Variants in ROS1 observed in about 807,000 individuals in gnomAD.
ROS1 encodes ROS proto-oncogene 1, receptor tyrosine kinase.
In ROS1, 263 loss-of-function variants were observed where a neutral mutation model predicts 273.5. The observed-to-expected ratio is 0.96, with a 90% CI of 0.87 to 1.06. The LOEUF (loss-of-function observed/expected upper bound fraction) is 1.06. ROS1 is among the 50% of genes least tolerant of loss of function. The pLI is 0.00. For synonymous variants in ROS1, 1,008 were observed against 954.1 expected, an observed-to-expected ratio of 1.06 and a Z score of -1.04; for missense variants, 2,833 against 2,751.1, an observed-to-expected ratio of 1.03 and a Z score of -0.67.
At chr6:117,308,404 A>G (rs977286616) in intron 42 of ROS1, among the ~76,000 whole-genome samples, 1 of 152,082 alleles carries the variant, frequency 6.6e-6, no homozygotes, top group Non-Finnish European at 1.5e-5. Context: ...ATTTAGTATA[A>G]TATTTTAATA....
chr6:117,355,220 A>C (rs1278888128), intron 26 of ROS1, among the ~76,000 whole-genome samples: 1 of 152,228 alleles, frequency 6.6e-6, no homozygotes, highest in Non-Finnish European at 1.5e-5. Context: ...TTTTGATCAA[A>C]GAAAAGGTCT....
At chr6:117,328,649 T>C (rs1181840520) in intron 33 of ROS1, 6 of 546,542 alleles carry the variant, frequency 1.1e-5, no homozygotes, top group Non-Finnish European at 2.2e-5. Context: ...AAAAGATGGT[T>C]TCATAGTCCT....
At chr6:117,310,503 T>C (rs549557) in intron 40 of ROS1, among the ~76,000 whole-genome samples, 14,272 of 151,968 alleles carry the variant, frequency 0.094, 858 homozygotes, top group Middle Eastern at 0.14. Context: ...TTTTAAGCCC[T>C]GCCTGCATTA....
rs563451965 is a variant in ROS1 at position 117,417,908 on chromosome 6, A to G, written c.168+554T>C. On this transcript the variant is annotated intron_variant, in intron 2 of 43. Coordinates refer to ENST00000368507, the MANE Select transcript of ROS1 (RefSeq NM_001378902.1). Reference sequence around the variant, plus strand: ...CTTTTCACTCCTCACACACACCACAATTCTGGTTCTGATGATGCTGTCTGG... The same window carrying G: ...CTTTTCACTCCTCACACACACCACAGTTCTGGTTCTGATGATGCTGTCTGG... Among the ~76,000 whole-genome samples, 3 of 152,246 alleles carry G rather than the reference A, an allele frequency of 2.0e-5. 1 individual carries two copies. The East Asian group carries it at 5.8e-4, about 29-fold the overall frequency.
chr6:117,378,027 C>T (rs547999981), intron 18 of ROS1, among the ~76,000 whole-genome samples: 15 of 152,096 alleles, frequency 9.9e-5, no homozygotes, highest in South Asian at 8.3e-4. Flanking sequence ...ATTGTCAAAG[C>T]CAACTGTTGA....
intron 18 of ROS1, among the ~76,000 whole-genome samples, chr6:117,370,622 TAA>T (rs943872120): frequency 4.1e-4 from 62 of 152,110 alleles, no homozygotes; most frequent in Non-Finnish European, 7.5e-4. Flanking sequence ...CGAAGAACAC[TAA>T]GAGTAGGATG....
intron 5 of ROS1, among the ~76,000 whole-genome samples, chr6:117,407,766 A>G (rs1774536892): frequency 6.6e-6 from 1 of 152,216 alleles, no homozygotes; most frequent in Non-Finnish European, 1.5e-5. Context: ...AGTCAATCCT[A>G]AGCCAAAAGA....
intron 2 of ROS1, among the ~76,000 whole-genome samples, chr6:117,417,077 A>G (rs1002461724): frequency 6.6e-6 from 1 of 151,994 alleles, no homozygotes; most frequent in Admixed American, 6.6e-5. Context: ...CTCAGCTTCA[A>G]GTAATCTGGA....
Position 117,344,805 on chromosome 6 carries a change from C to A in ROS1, c.4304-543G>T, listed in dbSNP as rs573989048. Among the ~76,000 whole-genome samples, 9 of 152,266 alleles carry A rather than the reference C, an allele frequency of 5.9e-5. No homozygotes were observed. In the South Asian group the frequency reaches 1.9e-3, roughly 32 times the overall value. ...GCATTGTGGAGCTCCCTGGCCACCG[C>A]TTACAACCAAACACCTTGCACGCTG... On this transcript the variant is annotated intron_variant, in intron 27 of 43. Coordinates refer to ENST00000368507, the MANE Select transcript of ROS1 (RefSeq NM_001378902.1).
intron 27 of ROS1, among the ~76,000 whole-genome samples, chr6:117,351,144 C>T (rs540732986): frequency 6.6e-6 from 1 of 152,176 alleles, no homozygotes; most frequent in East Asian, 1.9e-4. Flanking sequence ...GAAGGGGAGG[C>T]ATTTTATAGT....
rs780738813 is a variant in ROS1, at chr6:117,357,815, A to C, written c.3828T>G (p.Tyr1276Ter). The change falls in exon 25 of 44, where the codon TAT becomes TAG. Residue 1276 changes from tyrosine (Y) to a stop codon, truncating the protein, a stop_gained. Transcript: ENST00000368507. LOFTEE classifies it high-confidence loss of function. The part of the protein sequence containing the change: ...RNSTIISFSV[Y>*]PLLSRLYWTE... ...TTGCATTTACATACCTTAAAAGAGG[A>C]TATACAGAAAAAGAAATTATTGTTG... The C allele has an allele frequency of 6.3e-7, 1 of 1,598,166 alleles. No individual in the cohort carries two copies. Among genetic ancestry groups the C allele is most frequent in the Admixed American group, 1.7e-5 (1 of 59,946 alleles).
chr6:117,383,271 A>T (rs765976699), intron 17 of ROS1, 46 bp downstream of exon 17: 21 of 1,353,810 alleles, frequency 1.6e-5, no homozygotes, highest in Non-Finnish European at 2.1e-5. Context: ...TCATAAATAT[A>T]GAGCTATTCA....
intron 12 of ROS1, among the ~76,000 whole-genome samples, chr6:117,390,894 A>C (rs961522203): frequency 5.3e-5 from 8 of 152,342 alleles, no homozygotes; most frequent in African/African-American, 1.9e-4. Flanking sequence ...TTTCATTGAC[A>C]ATGAAATATG....
At chr6:117,370,278 C>A (rs1780662646) in intron 18 of ROS1, among the ~76,000 whole-genome samples, 1 of 152,142 alleles carries the variant, frequency 6.6e-6, no homozygotes, top group South Asian at 2.1e-4. Context: ...ACTGACACAT[C>A]CTAAAGCCTT....
intron 18 of ROS1, among the ~76,000 whole-genome samples, chr6:117,378,633 T>C (rs1029754174): frequency 6.6e-6 from 1 of 152,212 alleles, no homozygotes; most frequent in African/African-American, 2.4e-5. Context: ...GTGGAAGATG[T>C]AGAGATACCG....
chr6:117,355,167 C>T (rs2883416), intron 26 of ROS1, among the ~76,000 whole-genome samples: 140,938 of 152,266 alleles, frequency 0.93, 65,327 homozygotes, highest in East Asian at 1. Context: ...AAGACCAAGG[C>T]TGAGGCCTAG....
At chr6:117,360,587 T>C (rs1415273572) in intron 22 of ROS1, among the ~76,000 whole-genome samples, 182 bp from the exon 23 acceptor site, 1 of 152,210 alleles carries the variant, frequency 6.6e-6, no homozygotes, top group African/African-American at 2.4e-5. Flanking sequence ...AATATTGCTC[T>C]ATATTTATGT....
intron 21 of ROS1, 56 bp downstream of exon 21, chr6:117,365,004 C>T: frequency 1.3e-6 from 2 of 1,531,464 alleles, no homozygotes; most frequent in South Asian, 1.1e-5. Flanking sequence ...CATTCCAGAT[C>T]ATGAAAAGTG....
chr6:117,406,098 T>C (rs949908005), intron 5 of ROS1, among the ~76,000 whole-genome samples: 1 of 152,098 alleles, frequency 6.6e-6, no homozygotes, highest in African/African-American at 2.4e-5. Flanking sequence ...TGAGCTGTGA[T>C]TGTGCCCCTG....
Sources: allele counts gnomAD v4.1 joint callset (sites outside exome capture counted in the v4.1 genomes callset), GRCh38; gene constraint gnomAD v4.1.1; transcripts MANE v1.5; gene names NCBI Gene and HGNC (gene_info 2026-07-23, HGNC 2026-07-21).